ACAD10: variants seen among roughly 807,000 people sequenced by gnomAD.
ACAD10 encodes acyl-CoA dehydrogenase family member 10, also known as ACAD-10.
In ACAD10, 112 loss-of-function variants were observed where a neutral mutation model predicts 116.8. The ratio of observed to expected loss-of-function variants is 0.96; its 90% CI spans 0.82 to 1.12. ACAD10 has a LOEUF of 1.12. Ranked by LOEUF, ACAD10 falls within the 50% of genes most tolerant of loss-of-function variation. ACAD10 has a pLI of 0.00. For missense variants in ACAD10, 1,259 were observed against 1,350.2 expected, an observed-to-expected ratio of 0.93 and a Z score of 1.06; for synonymous variants, 486 against 510.6, an observed-to-expected ratio of 0.95 and a Z score of 0.65.
At position 111,746,178 on chromosome 12, in the gene ACAD10, T is replaced by A; in HGVS notation, c.2150T>A (p.Phe717Tyr). 1 of 1,614,030 alleles carries A rather than the reference T, an allele frequency of 6.2e-7. No homozygotes were observed. Reference sequence around the variant, plus strand: ...AAAGCTGAAGGACTTTGGAACCTTTTCCTACCCTTAGAGGCTGATCCCGAG... The same window carrying A: ...AAAGCTGAAGGACTTTGGAACCTTTACCTACCCTTAGAGGCTGATCCCGAG... Reference protein sequence around the residue: ...KAKAEGLWNLFLPLEADPEKK... With the variant: ...KAKAEGLWNLYLPLEADPEKK... Residue 717 changes from phenylalanine (F) to tyrosine (Y), a missense_variant, in exon 14 of 21, where the codon TTC (phenylalanine) becomes TAC (tyrosine). Transcript: ENST00000313698.
intron 8 of ACAD10, among the ~76,000 whole-genome samples, chr12:111,722,205 G>A (rs1437463703): frequency 6.6e-6 from 1 of 151,954 alleles, no homozygotes; most frequent in African/African-American, 2.4e-5. Flanking sequence ...GGGATTACAG[G>A]TGCCCCCTAC....
At chr12:111,719,308 C>G (rs915889795) in intron 7 of ACAD10, among the ~76,000 whole-genome samples, 1 of 152,132 alleles carries the variant, frequency 6.6e-6, no homozygotes, top group African/African-American at 2.4e-5. Context: ...GGCCGTAGTG[C>G]AGTGGTGCGA....
chr12:111,721,801 T>A, intron 8 of ACAD10, 62 bp downstream of exon 8: 2 of 1,393,314 alleles, frequency 1.4e-6, no homozygotes, highest in Non-Finnish European at 2.0e-6. Flanking sequence ...GCCCATATGC[T>A]AACACAAATT....
chr12:111,721,651 AT>A lies in ACAD10; in HGVS notation c.993-16del. On this transcript the variant is annotated intron_variant, in intron 7 of 20. Transcript: ENST00000313698. ...ATCAATTCAGCCAGCAATTTTGTTT[AT>A]TTTCATTTGTCCTTGCAGGATTATG... 6.4e-7 allele frequency: 1 copy of A among 1,574,060 alleles called. No individual in the cohort carries two copies. Among genetic ancestry groups the A allele is most frequent in the Non-Finnish European group, 8.7e-7 (1 of 1,153,786 alleles).
At chr12:111,721,551 G>T in intron 7 of ACAD10, 120 bp from the exon 8 acceptor site, 1 of 894,290 alleles carries the variant, frequency 1.1e-6, no homozygotes, top group South Asian at 1.7e-5. Flanking sequence ...CTGGGTAACA[G>T]AGCGAGACTG....
Position 111,702,930 on chromosome 12 carries a change from C to G in ACAD10, c.336+620C>G, listed in dbSNP as rs532876679. On this transcript the variant is annotated intron_variant, in intron 3 of 20. Transcript: ENST00000313698. ...GCAACATAGCCAGACCTTGTCTCTA[C>G]TAAAAATCAAAAAAATTAGCCAGGC... Among the ~76,000 whole-genome samples the G allele has an allele frequency of 1.0e-3, 158 of 151,650 alleles. 2 individuals are homozygous for G. The highest frequency in any genetic ancestry group is 3.6e-3 in the African/African-American group (147 of 41,340).
At position 111,737,078 on chromosome 12, in the gene ACAD10, C is replaced by T. The variant is rs989668836; in HGVS notation, c.1714+74C>T. On this transcript the variant is annotated intron_variant, in intron 12 of 20. Transcript: ENST00000313698. ...AGGACCGTGCCTCCACCTGGAAACC[C>T]TCTCAGGGCCACAGAGGCTTTGGAG... 1.4e-5 allele frequency: 21 copies of T among 1,492,582 alleles called. No homozygotes were observed. In the African/African-American group the frequency reaches 2.9e-4, roughly 21 times the overall value. The allele number at this position is 1,492,582 out of a possible 1,614,324, so 92.5% of individuals were successfully genotyped here.
intron 12 of ACAD10, among the ~76,000 whole-genome samples, chr12:111,743,673 A>G (rs772182395): frequency 5.3e-5 from 8 of 152,016 alleles, no homozygotes; most frequent in Non-Finnish European, 1.2e-4. Context: ...TAGTTACCCA[A>G]CTATGGATTT....
intron 18 of ACAD10, chr12:111,753,396 G>A: frequency 2.3e-6 from 1 of 434,018 alleles, no homozygotes; most frequent in South Asian, 1.8e-5. Flanking sequence ...AGTGCCTGCA[G>A]TCACTCCCTC....
chr12:111,729,547 GGACCAGA>G (rs1889326792), intron 9 of ACAD10, among the ~76,000 whole-genome samples: 2 of 152,126 alleles, frequency 1.3e-5, no homozygotes, highest in Admixed American at 1.3e-4. Context: ...GTCTTTAAGA[GGACCAGA>G]GATCATACTT....
chr12:111,737,406 C>T (rs533253267), intron 12 of ACAD10, among the ~76,000 whole-genome samples: 3 of 152,036 alleles, frequency 2.0e-5, no homozygotes, highest in South Asian at 2.1e-4. Flanking sequence ...AAGCTGGTCT[C>T]GAACTCCGGG....
rs368365149 is a variant in ACAD10 at position 111,748,413 on chromosome 12, T to C, written c.2582T>C (p.Met861Thr). The C allele has an allele frequency of 6.2e-7, 1 of 1,614,138 alleles. No homozygotes were observed. Among genetic ancestry groups the C allele is most frequent in the African/African-American group, 1.3e-5 (1 of 75,034 alleles). The change falls in exon 17 of 21, where the codon ATG (methionine) becomes ACG (threonine). Residue 861 changes from methionine (M) to threonine (T), a missense_variant. Physicochemically the swap from Met to Thr is moderately conservative, Grantham distance 81. Coordinates refer to ENST00000313698, the MANE Select transcript of ACAD10 (RefSeq NM_025247.6). ...CAGCAGTCTGTGCTCTTGGTTCCCA[T>C]GGATACCCCAGGGATAAAAATCATC... ...HRQQSVLLVP[M>T]DTPGIKIIRP... is the part of the protein sequence containing the mutation.
intron 18 of ACAD10, among the ~76,000 whole-genome samples, chr12:111,752,325 C>T (rs1485268263): frequency 1.3e-5 from 2 of 150,966 alleles, no homozygotes; most frequent in African/African-American, 2.4e-5. Context: ...GCAGGCTGGC[C>T]GGGTGCTGTG....
intron 3 of ACAD10, among the ~76,000 whole-genome samples, chr12:111,703,923 A>G (rs988483457): frequency 6.6e-6 from 1 of 150,420 alleles, no homozygotes; most frequent in East Asian, 1.9e-4. Context: ...ATATATATAT[A>G]TAAACATATA....
chr12:111,748,243 C>T, intron 16 of ACAD10, 74 bp from the exon 17 acceptor site: 2 of 1,579,508 alleles, frequency 1.3e-6, no homozygotes, highest in South Asian at 1.1e-5. Flanking sequence ...CTTTCTTGGG[C>T]CAGGACCACG....
intron 5 of ACAD10, among the ~76,000 whole-genome samples, chr12:111,710,999 C>T (rs1349687552): frequency 6.6e-6 from 1 of 152,172 alleles, no homozygotes; most frequent in Non-Finnish European, 1.5e-5. Flanking sequence ...ATGCATTCTA[C>T]TGCTCCCTCA....
rs530335484 is a variant in ACAD10, at chr12:111,733,176, GCAGCCAC to G, written c.1395-744_1395-738del. Reference sequence around the variant, plus strand: ...TTCATAGGCTGGAACATAACTCACTGCAGCCACCAACTCCTGGGCTCAGTGATGCTCC... The same window carrying G: ...TTCATAGGCTGGAACATAACTCACTGCAACTCCTGGGCTCAGTGATGCTCC... On this transcript the variant is annotated intron_variant, in intron 10 of 20. Transcript: ENST00000313698. Among the ~76,000 whole-genome samples, 16 of 152,166 alleles carry G rather than the reference GCAGCCAC, an allele frequency of 1.1e-4. No individual in the cohort carries two copies. The South Asian group carries it at 3.3e-3, about 32-fold the overall frequency.
chr12:111,736,193 T>TC (rs1259923331), intron 11 of ACAD10, among the ~76,000 whole-genome samples: 2 of 149,098 alleles, frequency 1.3e-5, no homozygotes, highest in Non-Finnish European at 3.0e-5. Flanking sequence ...TTGTTTTTTT[T>TC]TTTTTTTTTT....
rs1464881339 is a variant in ACAD10, at chr12:111,737,019, G to A, written c.1714+15G>A. Reference sequence around the variant, plus strand: ...ATCACTCACAGGTAATGGGATGGCTGCCCTGAAGAGCCACTGCGGGGTGAG... The same window carrying A: ...ATCACTCACAGGTAATGGGATGGCTACCCTGAAGAGCCACTGCGGGGTGAG... On this transcript the variant is annotated intron_variant, in intron 12 of 20. Coordinates refer to ENST00000313698, the MANE Select transcript of ACAD10 (RefSeq NM_025247.6). 6.2e-7 allele frequency: 1 copy of A among 1,611,290 alleles called. No individual in the cohort carries two copies. The highest frequency in any genetic ancestry group is 1.7e-5 in the Admixed American group (1 of 59,736).
Sources: gnomAD v4.1 joint callset for allele counts (sites outside exome capture counted in the v4.1 genomes callset) on GRCh38, gnomAD v4.1.1 for gene constraint, MANE v1.5 for transcripts, NCBI Gene and HGNC (gene_info 2026-07-23, HGNC 2026-07-21) for gene names.